KCNJ12: variants seen among roughly 807,000 people sequenced by gnomAD.
KCNJ12 encodes ATP-sensitive inward rectifier potassium channel 12.
KCNJ12 carries 2 observed loss-of-function variants against 22.3 expected under a neutral mutation model. The ratio of observed to expected loss-of-function variants is 0.09; its 90% CI spans 0.04 to 0.28. The LOEUF (loss-of-function observed/expected upper bound fraction) is 0.28, where lower values mean the gene tolerates loss of function less well. Among genes scored for constraint, KCNJ12 ranks in the 10% least tolerant of loss-of-function variants. The pLI is 1.00. For missense variants in KCNJ12, 155 were observed against 633.3 expected (o/e 0.24, Z 8.11); for synonymous variants, 117 against 261.4 (o/e 0.45, Z 5.33).
intron 1 of KCNJ12, among the ~76,000 whole-genome samples, chr17:21,392,826 G>A (rs1229457296): frequency 5.3e-5 from 8 of 152,214 alleles, no homozygotes; most frequent in Admixed American, 4.6e-4. Context: ...CAGCACGGTC[G>A]GGGCAACCTT....
At chr17:21,391,086 C>G (rs1255554909) in intron 1 of KCNJ12, among the ~76,000 whole-genome samples, 1 of 152,232 alleles carries the variant, frequency 6.6e-6, no homozygotes, top group Non-Finnish European at 1.5e-5. Flanking sequence ...GCTGGCTTCC[C>G]CATCTCCATC....
chr17:21,399,965 C>T (rs1465660577), intron 1 of KCNJ12, among the ~76,000 whole-genome samples: 3 of 152,176 alleles, frequency 2.0e-5, no homozygotes, highest in African/African-American at 4.8e-5. Flanking sequence ...GGTTGGAAAG[C>T]GTGTGTGGCA....
intron 2 of KCNJ12, among the ~76,000 whole-genome samples, chr17:21,409,250 G>C (rs73312149): frequency 6.6e-6 from 1 of 152,310 alleles, no homozygotes; most frequent in African/African-American, 2.4e-5. Context: ...GGAGGAGGAG[G>C]TGGAGGAGGC....
In KCNJ12 at chr17:21,419,626, G is replaced by A. The variant is rs551712277; in HGVS notation, c.*2982G>A. 104 of 167,560 alleles carry A rather than the reference G, an allele frequency of 6.2e-4. No homozygotes were observed. In the Middle Eastern group the frequency reaches 0.01, roughly 16 times the overall value. 10.4% of individuals were successfully genotyped at this position (167,560 alleles called of 1,614,324 possible). On this transcript the variant is annotated 3_prime_UTR_variant, in exon 3 of 3. Coordinates refer to ENST00000583088, the MANE Select transcript of KCNJ12 (RefSeq NM_021012.5). ...TATGCCTGCTGCTCAGAGCACGGTG[G>A]CCACCCCCTGAGCCTCTGCTGGTGC...
intron 2 of KCNJ12, among the ~76,000 whole-genome samples, chr17:21,413,871 G>T (rs1419003174): frequency 3.3e-5 from 5 of 152,294 alleles, no homozygotes; most frequent in African/African-American, 9.6e-5. Context: ...TGAGGGTGGT[G>T]CTGGGAACAG....
At chr17:21,410,724 G>C (rs112686100) in intron 2 of KCNJ12, among the ~76,000 whole-genome samples, 8 of 152,300 alleles carry the variant, frequency 5.3e-5, no homozygotes, top group African/African-American at 1.9e-4. Flanking sequence ...CTCAGGTCTT[G>C]GTGTTGTGGG....
intron 1 of KCNJ12, among the ~76,000 whole-genome samples, chr17:21,400,915 A>C (rs1451258836): frequency 6.6e-6 from 1 of 152,302 alleles, no homozygotes; most frequent in Admixed American, 6.5e-5. Context: ...TACTGACTCC[A>C]TGGGAGCAGG....
At chr17:21,386,728 G>A (rs1167507082) in intron 1 of KCNJ12, among the ~76,000 whole-genome samples, 3 of 152,000 alleles carry the variant, frequency 2.0e-5, no homozygotes, top group Non-Finnish European at 4.4e-5. Flanking sequence ...GGATAGTCTC[G>A]ATCTCTTGAC....
intron 1 of KCNJ12, among the ~76,000 whole-genome samples, chr17:21,384,811 C>T (rs1467653079): frequency 1.0e-4 from 14 of 139,868 alleles, no homozygotes; most frequent in Admixed American, 1.5e-4. Context: ...CTCACTCTGT[C>T]GCCCAGGCTG....
rs1906916069 is a variant in KCNJ12, at chr17:21,417,483, C to A, written c.*839C>A. 1 of 167,130 alleles carries A rather than the reference C, an allele frequency of 6.0e-6. No individual in the cohort carries two copies. Among genetic ancestry groups the A allele is most frequent in the African/African-American group, 2.4e-5 (1 of 41,424 alleles). The allele number at this position is 167,130 out of a possible 1,614,324, so 10.4% of individuals were successfully genotyped here. The stretch of plus-strand genomic sequence containing the variant: ...TGGGACCTGCCATCGAGGGTTCCTC[C>A]CCGCACCCTCGATTTTCCTGTTTTG... On this transcript the variant is annotated 3_prime_UTR_variant, in exon 3 of 3. Transcript: ENST00000583088.
intron 1 of KCNJ12, among the ~76,000 whole-genome samples, chr17:21,392,348 C>T (rs1905230192): frequency 6.6e-6 from 1 of 152,232 alleles, no homozygotes; most frequent in Admixed American, 6.5e-5. Flanking sequence ...TCAGAGAACC[C>T]AGTTCAGTGG....
intron 2 of KCNJ12, among the ~76,000 whole-genome samples, chr17:21,412,444 C>T (rs1906413816): frequency 6.6e-6 from 1 of 152,308 alleles, no homozygotes; most frequent in African/African-American, 2.4e-5. Context: ...AGGCTTTGAG[C>T]TGCTCGGAGC....
chr17:21,385,011 G>A (rs943292736), intron 1 of KCNJ12, among the ~76,000 whole-genome samples: 5 of 151,966 alleles, frequency 3.3e-5, no homozygotes, highest in African/African-American at 7.2e-5. Flanking sequence ...TCCTGACCTC[G>A]TGATCCGCCC....
chr17:21,414,344 G>A (rs1351350261), intron 2 of KCNJ12, among the ~76,000 whole-genome samples: 3 of 152,378 alleles, frequency 2.0e-5, no homozygotes, highest in African/African-American at 7.2e-5. Flanking sequence ...ATGTGGTGGC[G>A]GGCACCTATA....
At chr17:21,412,327 A>G (rs529850498) in intron 2 of KCNJ12, among the ~76,000 whole-genome samples, 2 of 152,402 alleles carry the variant, frequency 1.3e-5, no homozygotes, top group African/African-American at 4.8e-5. Flanking sequence ...GAGCTGTGGC[A>G]GCACCCTCAC....
Position 21,415,308 on chromosome 17 carries a change from G to T in KCNJ12, c.-35G>T, listed in dbSNP as rs2142079850. ...GCAGGAGCCGCCCTGCCTGGAGCTA[G>T]CCTGGGGGCGAGCCAGGGTCCCCCA... On this transcript the variant is annotated 5_prime_UTR_variant, in exon 3 of 3. Coordinates refer to ENST00000583088, the MANE Select transcript of KCNJ12 (RefSeq NM_021012.5). 6.3e-7 allele frequency: 1 copy of T among 1,591,846 alleles called. No homozygotes were observed. Among genetic ancestry groups the T allele is most frequent in the Non-Finnish European group, 8.5e-7 (1 of 1,175,612 alleles).
At chr17:21,390,512 G>A (rs568217675) in intron 1 of KCNJ12, among the ~76,000 whole-genome samples, 1 of 152,344 alleles carries the variant, frequency 6.6e-6, no homozygotes, top group Admixed American at 6.5e-5. Context: ...AGGGAAGCGG[G>A]GCCGGTGGCC....
chr17:21,379,863 G>A (rs926863807), intron 1 of KCNJ12, among the ~76,000 whole-genome samples: 7 of 152,248 alleles, frequency 4.6e-5, no homozygotes, highest in Non-Finnish European at 5.9e-5. Context: ...CAGAGCCCCC[G>A]CTGGGCACTG....
chr17:21,389,285 C>G (rs1201083994), intron 1 of KCNJ12, among the ~76,000 whole-genome samples: 1 of 152,204 alleles, frequency 6.6e-6, no homozygotes, highest in Non-Finnish European at 1.5e-5. Context: ...CTTTCTTGCC[C>G]CTAGACCAAG....
Sources: gnomAD v4.1 joint callset for allele counts (sites outside exome capture counted in the v4.1 genomes callset) on GRCh38, gnomAD v4.1.1 for gene constraint, MANE v1.5 for transcripts, NCBI Gene and HGNC (gene_info 2026-07-23, HGNC 2026-07-21) for gene names.